The following SCN9A variants were observed in gnomAD, a reference collection of about 807,000 sequenced individuals.
The protein encoded by SCN9A is sodium voltage-gated channel alpha subunit 9.
In SCN9A, 131 loss-of-function variants were observed where a neutral mutation model predicts 187.0. The ratio of observed to expected loss-of-function variants is 0.70; its 90% CI spans 0.61 to 0.81. The LOEUF (loss-of-function observed/expected upper bound fraction) is 0.81, where lower values mean the gene tolerates loss of function less well. SCN9A is among the 30% of genes least tolerant of loss of function. The probability of loss-of-function intolerance (pLI) is 0.00; values close to 1 mark genes in which losing one functional copy is unlikely to be tolerated. For missense variants in SCN9A, 2,252 were observed against 2,396.6 expected, an observed-to-expected ratio of 0.94 and a Z score of 1.26; for synonymous variants, 809 against 808.6, an observed-to-expected ratio of 1.00 and a Z score of -0.01.
At chr2:166,350,000 A>T (rs1041520794) in intron 1 of SCN9A, among the ~76,000 whole-genome samples, 2 of 87,862 alleles carry the variant, frequency 2.3e-5, no homozygotes, top group African/African-American at 1.2e-4. Context: ...TAAAAAATAA[A>T]AAATAAAATA....
At chr2:166,323,184 A>C (rs1274918414) in intron 1 of SCN9A, among the ~76,000 whole-genome samples, 1 of 152,176 alleles carries the variant, frequency 6.6e-6, no homozygotes, top group Non-Finnish European at 1.5e-5. Context: ...ATAAATTCCA[A>C]CACTTGGTTT....
chr2:166,305,108 A>G (rs955875231), intron 5 of SCN9A, among the ~76,000 whole-genome samples: 4 of 152,076 alleles, frequency 2.6e-5, no homozygotes, highest in African/African-American at 9.7e-5. Flanking sequence ...ACCCTTCTGT[A>G]TTGTCTAGGT....
chr2:166,200,380 A>G (rs1265009453), intron 26 of SCN9A, among the ~76,000 whole-genome samples: 1 of 152,142 alleles, frequency 6.6e-6, no homozygotes, highest in Admixed American at 6.6e-5. Context: ...TACCATTGTG[A>G]CATTTTCTCC....
At chr2:166,227,449 C>T (rs558691507) in intron 23 of SCN9A, among the ~76,000 whole-genome samples, 25 of 151,938 alleles carry the variant, frequency 1.6e-4, no homozygotes, top group Non-Finnish European at 3.1e-4. Flanking sequence ...GTAATTTGCC[C>T]GAAGTCAGTT....
At chr2:166,199,975 G>GTTTTTTTTTTTTTGTTTTTTTTTTT (rs1693411227) in intron 26 of SCN9A, 111 bp from the exon 27 acceptor site, 1 of 79,310 alleles carries the variant, frequency 1.3e-5, no homozygotes, top group African/African-American at 9.4e-5. Flanking sequence ...ATTCAAGACA[G>GTTTTTTTTTTTTTGTTTTTTTTTTT]TTTTTTTTTT....
At chr2:166,206,479 A>G (rs1693811446) in intron 24 of SCN9A, among the ~76,000 whole-genome samples, 1 of 152,154 alleles carries the variant, frequency 6.6e-6, no homozygotes. Flanking sequence ...ACACATGGAC[A>G]CAGGGAGGGG....
chr2:166,252,367 TA>T (rs1457777385), intron 17 of SCN9A, among the ~76,000 whole-genome samples: 1 of 151,982 alleles, frequency 6.6e-6, no homozygotes, highest in Non-Finnish European at 1.5e-5. Context: ...TAAAATTTTT[TA>T]AAAAGATAAG....
chr2:166,316,085 T>A (rs933312073), intron 1 of SCN9A, among the ~76,000 whole-genome samples: 2 of 152,154 alleles, frequency 1.3e-5, no homozygotes, highest in Non-Finnish European at 2.9e-5. Context: ...TGAAGGTTTT[T>A]AAAAGTGGAA....
rs201796657 is a variant in SCN9A at position 166,198,940 on chromosome 2, T to A, written c.5699A>T (p.Tyr1900Phe). Residue 1900 changes from tyrosine (Y) to phenylalanine (F), a missense_variant, in exon 27 of 27, where the codon TAT (tyrosine) becomes TTT (phenylalanine). By Grantham distance (22) the Tyr-to-Phe change is conservative (BLOSUM62 3). Coordinates refer to ENST00000642356, the MANE Select transcript of SCN9A (RefSeq NM_001365536.1). Reference protein sequence around the residue: ...DVSATVIQRAYRRYRLRQNVK... With the variant: ...DVSATVIQRAFRRYRLRQNVK... ...ATTTTGCCTTAAGCGGTAACGTCTA[T>A]AAGCACGCTGAATGACAGTAGCAGA... is the stretch of plus-strand genomic sequence containing the variant. 77 of 1,613,906 alleles carry A rather than the reference T, an allele frequency of 4.8e-5. No individual in the cohort carries two copies. The highest frequency in any genetic ancestry group is 6.4e-5 in the Non-Finnish European group (76 of 1,179,912).
intron 24 of SCN9A, among the ~76,000 whole-genome samples, chr2:166,210,474 A>T (rs1694033116): frequency 6.8e-6 from 1 of 146,008 alleles, no homozygotes; most frequent in Non-Finnish European, 1.5e-5. Flanking sequence ...AAATAAAAAT[A>T]AAAAAATAAA....
Position 166,199,053 on chromosome 2 carries a change from C to T in SCN9A, c.5586G>A (p.Gln1862=), listed in dbSNP as rs199572382. 17 of 1,614,160 alleles carry T rather than the reference C, an allele frequency of 1.1e-5. No individual in the cohort carries two copies. The highest frequency in any genetic ancestry group is 1.7e-5 in the Admixed American group (1 of 60,022). Reference sequence around the variant, plus strand: ...TTGCAGACATGAACCTTTCTTCCATCTGTGAACGAAGAGAATCCATCTCCC... The same window carrying T: ...TTGCAGACATGAACCTTTCTTCCATTTGTGAACGAAGAGAATCCATCTCCC... The part of the protein sequence containing the change: ...ESGEMDSLRS[Q]MEERFMSANP... The change falls in exon 27 of 27, where the codon CAG becomes CAA. Residue 1862 remains glutamine, a synonymous_variant. Transcript: ENST00000642356.
intron 1 of SCN9A, among the ~76,000 whole-genome samples, chr2:166,346,037 T>C (rs1699892938): frequency 1.3e-5 from 2 of 152,162 alleles, no homozygotes; most frequent in African/African-American, 4.8e-5. Flanking sequence ...AATACCTTAC[T>C]GAAATATGAA....
chr2:166,239,127 G>C (rs1161723288), intron 19 of SCN9A, among the ~76,000 whole-genome samples: 1 of 146,684 alleles, frequency 6.8e-6, no homozygotes, highest in South Asian at 2.2e-4. Context: ...CCTTGACAAA[G>C]AATTTGAAAG....
intron 24 of SCN9A, among the ~76,000 whole-genome samples, chr2:166,222,198 A>G (rs1429937051): frequency 6.6e-6 from 1 of 152,340 alleles, no homozygotes; most frequent in African/African-American, 2.4e-5. Flanking sequence ...GGGAGAAAAT[A>G]TTTCCAACTA....
chr2:166,278,256 A>G lies in SCN9A; in HGVS notation c.2401T>C (p.Tyr801His). The change falls in exon 15 of 27, where the codon TAT becomes CAT. Residue 801 changes from tyrosine (Y) to histidine (H), a missense_variant. This residue lies in a region of SCN9A where 1,013 missense variants were observed against 997.4 expected (regional missense o/e 1.02). Transcript: ENST00000642356. ...TTCCAGCCTACTTGGAAATACTCAT[A>G]TGGATCCATGGCAATCAGTTTTAAT... ...MVLKLIAMDP[Y>H]EYFQVGWNIF... The G allele has an allele frequency of 1.2e-6, 2 of 1,612,218 alleles. No homozygotes were observed. The highest frequency in any genetic ancestry group is 2.7e-5 in the African/African-American group (2 of 74,962).
At chr2:166,330,537 C>T (rs919041816) in intron 1 of SCN9A, among the ~76,000 whole-genome samples, 8 of 152,138 alleles carry the variant, frequency 5.3e-5, no homozygotes, top group African/African-American at 9.7e-5. Flanking sequence ...TATTACCAGA[C>T]ATTTTACCTA....
In SCN9A at chr2:166,238,099, C is replaced by A; in HGVS notation, c.3796G>T (p.Val1266Phe). ...NAWCWLDFLI[V>F]DVSLVTLVAN... ...ATGTACTCAAAAGTACCTACATCAA[C>A]AATTAGGAAATCCAGCCAACACCAG... Residue 1266 changes from valine to phenylalanine, a missense_variant, in exon 20 of 27, where the codon GTT becomes TTT. This residue lies in a region of SCN9A where 368 missense variants were observed against 408.6 expected (regional missense o/e 0.90). Transcript: ENST00000642356. 1 of 1,609,328 alleles carries A rather than the reference C, an allele frequency of 6.2e-7. No homozygotes were observed. Among genetic ancestry groups the A allele is most frequent in the African/African-American group, 1.3e-5 (1 of 74,952 alleles).
rs1308672646 is a variant in SCN9A at position 166,300,018 on chromosome 2, T to C, written c.901+3072A>G. Among the ~76,000 whole-genome samples, 3 of 150,706 alleles carry C rather than the reference T, an allele frequency of 2.0e-5. 1 individual carries two copies. Among genetic ancestry groups the C allele is most frequent in the African/African-American group, 7.5e-5 (3 of 40,052 alleles). ...CTTTTTTCTCTTCATTTCTCTGCCA[T>C]CACTCTAGATGAAACCTTTATTTTC... On this transcript the variant is annotated intron_variant, in intron 7 of 26. Coordinates refer to ENST00000642356, the MANE Select transcript of SCN9A (RefSeq NM_001365536.1).
intron 17 of SCN9A, among the ~76,000 whole-genome samples, chr2:166,260,726 A>G (rs932355563): frequency 1.3e-5 from 2 of 151,884 alleles, no homozygotes; most frequent in African/African-American, 2.4e-5. Flanking sequence ...TATGCCTATT[A>G]TAATTCTGGG....
Sources: allele counts gnomAD v4.1 joint callset (sites outside exome capture counted in the v4.1 genomes callset), GRCh38; gene constraint gnomAD v4.1.1; regional missense constraint gnomAD v4.1.1; transcripts MANE v1.5; gene names NCBI Gene and HGNC (gene_info 2026-07-23, HGNC 2026-07-21).